NRXN3: variants seen among roughly 807,000 people sequenced by gnomAD.
NRXN3 encodes the protein neurexin 3.
Under a neutral mutation model 137.6 loss-of-function variants are expected in NRXN3, and 32 were observed. The observed-to-expected ratio is 0.23, with a 90% CI of 0.18 to 0.31. The LOEUF is 0.31. Ranked by LOEUF, NRXN3 falls within the 10% of genes least tolerant of loss-of-function variation. NRXN3 has a pLI of 1.00. For missense variants in NRXN3, 1,574 were observed against 2,062.5 expected, an observed-to-expected ratio of 0.76 and a Z score of 4.59; for synonymous variants, 798 against 784.5, an observed-to-expected ratio of 1.02 and a Z score of -0.29.
chr14:78,600,818 A>G (rs985611385), intron 4 of NRXN3, among the ~76,000 whole-genome samples: 1 of 152,214 alleles, frequency 6.6e-6, no homozygotes. Flanking sequence ...GCTCCACAAA[A>G]GTCACTTCTC....
At chr14:79,351,232 CTGGATGTTTATGAAATAA>C (rs1233510066) in intron 15 of NRXN3, among the ~76,000 whole-genome samples, 2 of 152,112 alleles carry the variant, frequency 1.3e-5, no homozygotes, top group African/African-American at 4.8e-5. Flanking sequence ...TTGCATTTAA[CTGGATGTTTATGAAATAA>C]TGTGCTGGCA....
At chr14:79,104,562 C>G (rs1304606701) in intron 15 of NRXN3, among the ~76,000 whole-genome samples, 1 of 152,118 alleles carries the variant, frequency 6.6e-6, no homozygotes, top group East Asian at 1.9e-4. Flanking sequence ...GGGTCAGGCT[C>G]TGTGGAAAAT....
intron 19 of NRXN3, among the ~76,000 whole-genome samples, chr14:79,708,500 T>TG (rs2098790272): frequency 6.7e-6 from 1 of 150,210 alleles, no homozygotes; most frequent in African/African-American, 2.5e-5. Context: ...TAAGAATTGT[T>TG]TTTTTTTTTT....
At chr14:79,636,059 A>C (rs2098401332) in intron 16 of NRXN3, among the ~76,000 whole-genome samples, 1 of 152,098 alleles carries the variant, frequency 6.6e-6, no homozygotes, top group South Asian at 2.1e-4. Flanking sequence ...CAACCACATC[A>C]CTGTCTGTCT....
At chr14:78,725,786 C>T (rs2098480213) in intron 8 of NRXN3, among the ~76,000 whole-genome samples, 2 of 152,018 alleles carry the variant, frequency 1.3e-5, no homozygotes, top group South Asian at 2.1e-4. Flanking sequence ...GCATATATAC[C>T]CCTGGACAAA....
At chr14:79,531,018 A>G (rs758822756) in intron 16 of NRXN3, among the ~76,000 whole-genome samples, 2 of 152,182 alleles carry the variant, frequency 1.3e-5, no homozygotes, top group Non-Finnish European at 2.9e-5. Context: ...ATCTCCCAGC[A>G]GAAGTGTTGC....
rs1450581330 is a variant in NRXN3 at position 78,684,942 on chromosome 14, A to G, written c.1222-24275A>G. On this transcript the variant is annotated intron_variant, in intron 6 of 20. Coordinates refer to ENST00000335750, the MANE Select transcript of NRXN3 (RefSeq NM_001330195.2). ...TTAATTGACTTGTATTATGCTTTACATATTTTGGGCTTGTTACTTGTTTGT... is the reference window on the plus strand; with the variant it reads ...TTAATTGACTTGTATTATGCTTTACGTATTTTGGGCTTGTTACTTGTTTGT... 2.0e-5 allele frequency among the ~76,000 whole-genome samples: 3 copies of G among 152,158 alleles called. No individual in the cohort carries two copies. The East Asian group carries it at 5.8e-4, about 29-fold the overall frequency.
intron 4 of NRXN3, among the ~76,000 whole-genome samples, chr14:78,513,496 T>C (rs2096147299): frequency 6.6e-6 from 1 of 152,128 alleles, no homozygotes; most frequent in African/African-American, 2.4e-5. Flanking sequence ...TTAATTATAG[T>C]TTTCGAAAGA....
intron 4 of NRXN3, among the ~76,000 whole-genome samples, chr14:78,438,818 G>A (rs552993590): frequency 6.6e-6 from 1 of 152,214 alleles, no homozygotes. Flanking sequence ...TGTTGGAGAG[G>A]CTGAAAGAAA....
At chr14:79,805,386 G>A (rs1344903409) in intron 20 of NRXN3, among the ~76,000 whole-genome samples, 196 bp downstream of exon 20, 2 of 151,874 alleles carry the variant, frequency 1.3e-5, no homozygotes, top group African/African-American at 4.8e-5. Context: ...CATGGAAAGA[G>A]CAATAAGATC....
intron 16 of NRXN3, among the ~76,000 whole-genome samples, chr14:79,504,546 A>G (rs914946231): frequency 6.6e-6 from 1 of 150,502 alleles, no homozygotes; most frequent in African/African-American, 2.4e-5. Context: ...TAGATTTGGG[A>G]CACTGTAATA....
At chr14:78,823,915 A>G (rs1178375135) in intron 10 of NRXN3, among the ~76,000 whole-genome samples, 1 of 152,106 alleles carries the variant, frequency 6.6e-6, no homozygotes, top group African/African-American at 2.4e-5. Flanking sequence ...ACCAGAGGAT[A>G]TGAAAATTGC....
chr14:78,838,121 A>G (rs2099002104), intron 10 of NRXN3, among the ~76,000 whole-genome samples: 1 of 152,150 alleles, frequency 6.6e-6, no homozygotes, highest in Admixed American at 6.6e-5. Flanking sequence ...TAACTCTACT[A>G]TCTGTGGAAT....
At chr14:79,085,897 G>A (rs988299924) in intron 15 of NRXN3, among the ~76,000 whole-genome samples, 5 of 152,178 alleles carry the variant, frequency 3.3e-5, no homozygotes, top group African/African-American at 1.2e-4. Context: ...TACCTGTTCA[G>A]CTGGAATGAT....
chr14:79,249,638 G>T (rs1037267377), intron 15 of NRXN3, among the ~76,000 whole-genome samples: 2 of 152,100 alleles, frequency 1.3e-5, no homozygotes, highest in African/African-American at 4.8e-5. Flanking sequence ...AACACATCAG[G>T]GAGGGTTCTG....
At chr14:78,857,185 A>G (rs2099059828) in intron 10 of NRXN3, among the ~76,000 whole-genome samples, 1 of 152,026 alleles carries the variant, frequency 6.6e-6, no homozygotes. Context: ...CTTTCTCCCA[A>G]AGGCATAGGT....
intron 10 of NRXN3, among the ~76,000 whole-genome samples, chr14:78,851,317 G>T (rs760332316): frequency 6.6e-6 from 1 of 152,118 alleles, no homozygotes; most frequent in Non-Finnish European, 1.5e-5. Flanking sequence ...TGAAATTCAA[G>T]ATGCCAATGG....
At position 79,581,953 on chromosome 14, in the gene NRXN3, G is replaced by A. The variant is rs78681611; in HGVS notation, c.3445-81825G>A. Among the ~76,000 whole-genome samples the A allele has an allele frequency of 0.022, 3,295 of 152,192 alleles. 196 individuals carry two copies. In the East Asian group the frequency reaches 0.24, roughly 11 times the overall value. ...TTTTATTTTTATTTTTGGGGAACAG[G>A]GTTTTACTCTGTTACTCAGGCTACA... On this transcript the variant is annotated intron_variant, in intron 16 of 20. Transcript: ENST00000335750.
intron 16 of NRXN3, among the ~76,000 whole-genome samples, chr14:79,590,055 C>CT (rs113941556): frequency 0.22 from 32,939 of 151,876 alleles, 4,365 homozygotes; most frequent in African/African-American, 0.37. Context: ...GTCATGTTTT[C>CT]TTTTTTTCCC....
Sources: allele counts gnomAD v4.1 joint callset (sites outside exome capture counted in the v4.1 genomes callset), GRCh38; gene constraint gnomAD v4.1.1; transcripts MANE v1.5; gene names NCBI Gene and HGNC (gene_info 2026-07-23, HGNC 2026-07-21).